DGKG: variants seen among roughly 807,000 people sequenced by gnomAD.
The protein encoded by DGKG is DAG kinase gamma.
In DGKG, 78 loss-of-function variants were observed where a neutral mutation model predicts 105.3. The observed-to-expected ratio is 0.74, with a 90% CI of 0.62 to 0.89. The LOEUF (loss-of-function observed/expected upper bound fraction) is 0.89, where lower values mean the gene tolerates loss of function less well. Among genes scored for constraint, DGKG ranks in the 40% least tolerant of loss-of-function variants. The pLI, the probability that DGKG is intolerant of heterozygous loss-of-function variation, is 0.00. For missense variants in DGKG, 958 were observed against 1,020.1 expected, an observed-to-expected ratio of 0.94 and a Z score of 0.83; for synonymous variants, 346 against 367.1, an observed-to-expected ratio of 0.94 and a Z score of 0.66.
At chr3:186,313,561 A>G (rs1724662260) in intron 2 of DGKG, 3 of 983,008 alleles carry the variant, frequency 3.1e-6, no homozygotes, top group Middle Eastern at 5.2e-4. Flanking sequence ...CTTGCAACTA[A>G]AAGTGTGGTC....
chr3:186,170,125 T>C (rs1403074963), intron 22 of DGKG, among the ~76,000 whole-genome samples: 1 of 152,210 alleles, frequency 6.6e-6, no homozygotes, highest in African/African-American at 2.4e-5. Context: ...TCCTAAACTT[T>C]GCTGAGCGTT....
chr3:186,284,029 C>T lies in DGKG; in HGVS notation c.594+631G>A, dbSNP rs549781924. ...TCTTTCCATTCTTCCTTTTACTCCA[C>T]GAGCCTTGATCGATCCTTGCCTGTT... On this transcript the variant is annotated intron_variant, in intron 7 of 24. Coordinates refer to ENST00000265022, the MANE Select transcript of DGKG (RefSeq NM_001346.3). This position sits in a 1 kb window ranked among gnomAD's most constrained non-coding sequence, Gnocchi z 4.0. Among the ~76,000 whole-genome samples, 25 of 152,308 alleles carry T rather than the reference C, an allele frequency of 1.6e-4. No homozygotes were observed. In the East Asian group the frequency reaches 4.4e-3, roughly 27 times the overall value.
chr3:186,358,967 A>G (rs1480571805), intron 1 of DGKG, among the ~76,000 whole-genome samples: 2 of 152,244 alleles, frequency 1.3e-5, no homozygotes, highest in Admixed American at 1.3e-4. Context: ...AGAATTCTGC[A>G]GCTGATACTT....
At chr3:186,215,280 G>A (rs1719222149) in intron 20 of DGKG, among the ~76,000 whole-genome samples, 1 of 152,002 alleles carries the variant, frequency 6.6e-6, no homozygotes, top group African/African-American at 2.4e-5. Flanking sequence ...GTATGGTGGC[G>A]GGCACTGGTA....
intron 1 of DGKG, among the ~76,000 whole-genome samples, chr3:186,321,733 AGAC>A (rs1381460380): frequency 6.6e-6 from 1 of 152,228 alleles, no homozygotes; most frequent in African/African-American, 2.4e-5. Flanking sequence ...GGAAATGTGT[AGAC>A]TGGTTGTTTT....
At chr3:186,327,798 C>T (rs960603731) in intron 1 of DGKG, among the ~76,000 whole-genome samples, 1 of 152,118 alleles carries the variant, frequency 6.6e-6, no homozygotes, top group African/African-American at 2.4e-5. Context: ...CTATGAATCA[C>T]ACCATACCTG....
intron 1 of DGKG, among the ~76,000 whole-genome samples, chr3:186,353,587 A>T (rs1053637310): frequency 6.0e-5 from 8 of 134,164 alleles, no homozygotes; most frequent in African/African-American, 2.3e-4. Context: ...ATATATATAT[A>T]TATACACACA....
At chr3:186,279,572 G>T (rs759470136) in intron 9 of DGKG, 10 of 221,550 alleles carry the variant, frequency 4.5e-5, no homozygotes, top group Non-Finnish European at 6.2e-5. Context: ...TTGCCTGGTT[G>T]AGTATAAGGT....
intron 1 of DGKG, among the ~76,000 whole-genome samples, chr3:186,340,892 AG>A (rs1726055755): frequency 6.6e-6 from 1 of 152,142 alleles, no homozygotes; most frequent in South Asian, 2.1e-4. Flanking sequence ...TCCTTGTAAC[AG>A]CACCTCCAGT....
intron 1 of DGKG, among the ~76,000 whole-genome samples, chr3:186,354,981 A>G (rs1341350561): frequency 6.6e-6 from 1 of 152,056 alleles, no homozygotes; most frequent in Non-Finnish European, 1.5e-5. Flanking sequence ...AAATTCTTAG[A>G]TCTGCCCCAA....
At chr3:186,311,032 G>T (rs1240715357) in intron 2 of DGKG, among the ~76,000 whole-genome samples, 1 of 152,166 alleles carries the variant, frequency 6.6e-6, no homozygotes, top group Admixed American at 6.5e-5. Flanking sequence ...TTGAACACTG[G>T]TAAGTTAGAA....
At chr3:186,228,803 G>A (rs1261850975) in intron 20 of DGKG, among the ~76,000 whole-genome samples, 3 of 152,060 alleles carry the variant, frequency 2.0e-5, no homozygotes, top group African/African-American at 7.2e-5. Context: ...ACGTCCCTTC[G>A]TGAAAACAAA....
chr3:186,232,149 G>A, intron 20 of DGKG, among the ~76,000 whole-genome samples: 1 of 152,190 alleles, frequency 6.6e-6, no homozygotes, highest in East Asian at 1.9e-4. Flanking sequence ...AGGGACTTGG[G>A]TAATGGTATC....
intron 1 of DGKG, among the ~76,000 whole-genome samples, chr3:186,323,936 CAAAAAA>C (rs35989455): frequency 2.8e-5 from 2 of 72,018 alleles, no homozygotes; most frequent in African/African-American, 5.7e-5. Context: ...GACTCCGTCT[CAAAAAA>C]AAAAAAAAAA....
intron 3 of DGKG, among the ~76,000 whole-genome samples, chr3:186,305,719 G>T (rs1401203696): frequency 6.6e-6 from 1 of 152,118 alleles, no homozygotes; most frequent in African/African-American, 2.4e-5. Flanking sequence ...TGCAAGTGGC[G>T]AGATGTGTCT....
At chr3:186,183,931 C>A (rs2108496986) in intron 22 of DGKG, among the ~76,000 whole-genome samples, 1 of 152,202 alleles carries the variant, frequency 6.6e-6, no homozygotes, top group Non-Finnish European at 1.5e-5. Context: ...CTCGAACTCC[C>A]AACTTCAGGT....
At chr3:186,259,236 C>G (rs540786778) in intron 16 of DGKG, among the ~76,000 whole-genome samples, 1 of 152,172 alleles carries the variant, frequency 6.6e-6, no homozygotes, top group Non-Finnish European at 1.5e-5. Context: ...CCTGGCTCGT[C>G]GTCTCAGATG....
intron 5 of DGKG, among the ~76,000 whole-genome samples, chr3:186,291,679 G>T (rs1468652032): frequency 6.8e-6 from 1 of 147,412 alleles, no homozygotes; most frequent in Admixed American, 6.7e-5. Context: ...ATAAAATCTA[G>T]ACAATGTAAT....
At chr3:186,292,471 G>A (rs1467693245) in intron 5 of DGKG, among the ~76,000 whole-genome samples, 1 of 152,188 alleles carries the variant, frequency 6.6e-6, no homozygotes, top group Non-Finnish European at 1.5e-5. Context: ...AATCATTCAA[G>A]TAAATGACTT....
Sources: gnomAD v4.1 joint callset for allele counts (sites outside exome capture counted in the v4.1 genomes callset) on GRCh38, gnomAD v4.1.1 for gene constraint, Gnocchi (gnomAD v3.1) non-coding constraint, MANE v1.5 for transcripts, NCBI Gene and HGNC (gene_info 2026-07-23, HGNC 2026-07-21) for gene names.